COLEC12: variants seen among roughly 807,000 people sequenced by gnomAD.
COLEC12 encodes the protein collectin subfamily member 12, also known as collectin-12.
A neutral mutation model predicts 71.1 loss-of-function variants in COLEC12; 33 were observed. The observed-to-expected ratio is 0.46, with a 90% CI of 0.35 to 0.62. The LOEUF is 0.62. Ranked by LOEUF, COLEC12 falls within the 20% of genes least tolerant of loss-of-function variation. The pLI is 0.00. For synonymous variants in COLEC12, 350 were observed against 353.0 expected (o/e 0.99, Z 0.10); for missense variants, 765 against 916.1 (o/e 0.84, Z 2.13).
chr18:404,511 G>A (rs1184030568), intron 2 of COLEC12, among the ~76,000 whole-genome samples: 2 of 152,204 alleles, frequency 1.3e-5, no homozygotes, highest in African/African-American at 4.8e-5. Flanking sequence ...AGTCACACAT[G>A]AATTTAAAGT....
At chr18:388,426 C>T (rs553375408) in intron 2 of COLEC12, among the ~76,000 whole-genome samples, 5 of 152,338 alleles carry the variant, frequency 3.3e-5, no homozygotes, top group African/African-American at 7.2e-5. Flanking sequence ...TCTTAATTAA[C>T]GTGGCACCAT....
At chr18:392,462 G>A (rs1235523305) in intron 2 of COLEC12, among the ~76,000 whole-genome samples, 3 of 152,174 alleles carry the variant, frequency 2.0e-5, no homozygotes, top group African/African-American at 7.2e-5. Flanking sequence ...TTACATACTG[G>A]ATGGGAATAT....
chr18:380,730 G>A (rs781084137), intron 2 of COLEC12, among the ~76,000 whole-genome samples: 1 of 152,206 alleles, frequency 6.6e-6, no homozygotes, highest in Non-Finnish European at 1.5e-5. Context: ...ACGGAAAGAA[G>A]TGAGCTGTAC....
At position 362,722 on chromosome 18, in the gene COLEC12, GCA is replaced by G. The variant is rs1437944346; in HGVS notation, c.59-5202_59-5201del. Among the ~76,000 whole-genome samples the G allele has an allele frequency of 4.6e-5, 7 of 152,124 alleles. No homozygotes were observed. The highest frequency in any genetic ancestry group is 2.0e-4 in the Admixed American group (3 of 15,276). ...CGTGCCAAAGAACCTGGCGCCAATA[GCA>G]CATTTGAAATTCAGAGGCCTACAGG... On this transcript the variant is annotated intron_variant, in intron 2 of 9. Transcript: ENST00000400256. This position sits in a 1 kb window ranked among gnomAD's most constrained non-coding sequence, Gnocchi z 4.6.
At chr18:379,846 G>A (rs972832361) in intron 2 of COLEC12, among the ~76,000 whole-genome samples, 1 of 152,146 alleles carries the variant, frequency 6.6e-6, no homozygotes, top group Non-Finnish European at 1.5e-5. Flanking sequence ...GGGACAGTGC[G>A]CAGGACGAAA....
At chr18:464,671 G>A (rs1917051402) in intron 2 of COLEC12, among the ~76,000 whole-genome samples, 3 of 151,822 alleles carry the variant, frequency 2.0e-5, no homozygotes, top group South Asian at 2.1e-4. Flanking sequence ...TTTTCTCCCC[G>A]GCTAGACTGG....
rs548003948 is a variant in COLEC12, at chr18:318,497, T to TG, written c.*1547_*1548insC. ...TGGGCTCAGAGGAAAGGTTTTTTTT[T>TG]TTTTTTTTTTTTTGAGATGGAGTCT... On this transcript the variant is annotated 3_prime_UTR_variant, in exon 10 of 10. Transcript: ENST00000400256. 0.011 allele frequency: 1,593 copies of TG among 143,904 alleles called. 8 individuals are homozygous for TG. The highest frequency in any genetic ancestry group is 0.017 in the Middle Eastern group (5 of 290). The allele number at this position is 143,904 out of a possible 1,614,324, so 8.9% of individuals were successfully genotyped here. A position where few individuals can be genotyped will look rare whatever the true frequency, so the allele number is the denominator to read the frequency against.
chr18:339,748 G>C (rs1977933), intron 5 of COLEC12, among the ~76,000 whole-genome samples: 15,996 of 152,124 alleles, frequency 0.11, 984 homozygotes, highest in Admixed American at 0.16. Flanking sequence ...CATATTCTAT[G>C]TGTCTTATAG....
chr18:330,511 T>A (rs1913950129), intron 8 of COLEC12, among the ~76,000 whole-genome samples: 1 of 151,720 alleles, frequency 6.6e-6, no homozygotes, highest in African/African-American at 2.4e-5. Flanking sequence ...TTTAATTTTA[T>A]TTTTTTTATA....
intron 7 of COLEC12, 130 bp downstream of exon 7, chr18:332,877 T>C: frequency 1.3e-6 from 1 of 778,546 alleles, no homozygotes. Flanking sequence ...CAAATCTCTG[T>C]AATGTTGCCT....
chr18:392,406 T>A (rs527938893), intron 2 of COLEC12, among the ~76,000 whole-genome samples: 21 of 152,344 alleles, frequency 1.4e-4, no homozygotes, highest in African/African-American at 4.6e-4. Flanking sequence ...CCATCTATAA[T>A]GTGATAATCA....
chr18:341,466 C>A (rs1006487), intron 5 of COLEC12, among the ~76,000 whole-genome samples: 16,684 of 152,264 alleles, frequency 0.11, 1,069 homozygotes, highest in Admixed American at 0.16. Flanking sequence ...TGAAAGCTAG[C>A]TAGATGTCAG....
intron 2 of COLEC12, among the ~76,000 whole-genome samples, chr18:376,571 G>C (rs1316846169): frequency 6.6e-6 from 1 of 152,212 alleles, no homozygotes; most frequent in East Asian, 1.9e-4. Flanking sequence ...AAAAACCCAT[G>C]ACTGGACTAT....
chr18:337,021 CT>C (rs71363208), intron 5 of COLEC12, among the ~76,000 whole-genome samples: 2,834 of 144,574 alleles, frequency 0.02, 62 homozygotes, highest in African/African-American at 0.054. Flanking sequence ...ACATTGCCTG[CT>C]TTTTTTTTTT....
At chr18:338,319 GT>G (rs1914165064) in intron 5 of COLEC12, among the ~76,000 whole-genome samples, 1 of 152,176 alleles carries the variant, frequency 6.6e-6, no homozygotes. Context: ...TTAAGCAAGT[GT>G]TTATCAAATA....
At chr18:376,753 T>C (rs1456826973) in intron 2 of COLEC12, among the ~76,000 whole-genome samples, 1 of 152,174 alleles carries the variant, frequency 6.6e-6, no homozygotes, top group Admixed American at 6.5e-5. Context: ...AACCCAAGAC[T>C]CTCGTCTTTC....
chr18:393,597 C>T (rs887698190), intron 2 of COLEC12, among the ~76,000 whole-genome samples: 5 of 152,312 alleles, frequency 3.3e-5, no homozygotes, highest in South Asian at 2.1e-4. Flanking sequence ...TGTTGCCCTG[C>T]GTCTGCCTAC....
chr18:438,670 G>C (rs1325873370), intron 2 of COLEC12, among the ~76,000 whole-genome samples: 1 of 151,990 alleles, frequency 6.6e-6, no homozygotes, highest in Non-Finnish European at 1.5e-5. Context: ...AGTTAGCCAG[G>C]CATGGTGGCA....
chr18:488,864 C>T (rs1296825439), intron 1 of COLEC12, among the ~76,000 whole-genome samples: 1 of 144,978 alleles, frequency 6.9e-6, no homozygotes. Flanking sequence ...CAGAGCAAGA[C>T]TCTGTTTCAA....
Sources: allele counts gnomAD v4.1 joint callset (sites outside exome capture counted in the v4.1 genomes callset), GRCh38; gene constraint gnomAD v4.1.1; non-coding constraint Gnocchi (gnomAD v3.1); transcripts MANE v1.5; gene names NCBI Gene and HGNC (gene_info 2026-07-23, HGNC 2026-07-21).